USH2A: variants seen among roughly 807,000 people sequenced by gnomAD.
The protein encoded by USH2A is Usher syndrome 2A (autosomal recessive, mild).
A neutral mutation model predicts 538.9 loss-of-function variants in USH2A; 443 were observed. The ratio of observed to expected loss-of-function variants is 0.82; its 90% CI spans 0.76 to 0.89. The LOEUF (loss-of-function observed/expected upper bound fraction) is 0.89. Among genes scored for constraint, USH2A ranks in the 40% least tolerant of loss-of-function variants. The probability of loss-of-function intolerance (pLI) is 0.00; values close to 1 mark genes in which losing one functional copy is unlikely to be tolerated. For synonymous variants in USH2A, 2,413 were observed against 2,273.5 expected (o/e 1.06, Z -1.75); for missense variants, 6,633 against 6,324.8 (o/e 1.05, Z -1.65).
At chr1:216,324,089 C>A in intron 7 of USH2A, 79 bp downstream of exon 7, 1 of 1,492,836 alleles carries the variant, frequency 6.7e-7, no homozygotes, top group South Asian at 1.2e-5. Context: ...AAGTCTCCAC[C>A]AGCCTAGAGA....
Position 215,867,069 on chromosome 1 carries a change from CCTCT to C in USH2A, c.8779_8782del (p.Arg2927GlufsTer16). 6.2e-7 allele frequency: 1 copy of C among 1,614,168 alleles called. No homozygotes were observed. Among genetic ancestry groups the C allele is most frequent in the South Asian group, 1.1e-5 (1 of 91,090 alleles). On this transcript the variant is annotated frameshift_variant, in exon 44 of 72. Coordinates refer to ENST00000307340, the MANE Select transcript of USH2A (RefSeq NM_206933.4). LOFTEE classifies it high-confidence loss of function. ...AAGGACACTCGCAGTGAGATTGGCT[CCTCT>C]CTCTGGAAGACCAGCTAACGTTGTC...
intron 61 of USH2A, among the ~76,000 whole-genome samples, chr1:215,707,596 T>A (rs1228757168): frequency 6.6e-6 from 1 of 152,206 alleles, no homozygotes. Flanking sequence ...ATTGTTTAAA[T>A]TTGACTTTAT....
intron 61 of USH2A, among the ~76,000 whole-genome samples, chr1:215,684,615 C>T (rs1345876574): frequency 1.3e-5 from 2 of 152,148 alleles, no homozygotes; most frequent in Non-Finnish European, 2.9e-5. Flanking sequence ...TGAACCAAAA[C>T]AATGATGTAT....
intron 63 of USH2A, among the ~76,000 whole-genome samples, chr1:215,671,774 C>A (rs1436280355): frequency 6.6e-6 from 1 of 152,100 alleles, no homozygotes; most frequent in Admixed American, 6.6e-5. Flanking sequence ...GTCCTGGACT[C>A]CTACCTTTGC....
At position 215,999,006 on chromosome 1, in the gene USH2A, T is replaced by C. The variant is rs1433870940; in HGVS notation, c.6538A>G (p.Met2180Val). 2 of 1,612,894 alleles carry C rather than the reference T, an allele frequency of 1.2e-6. No homozygotes were observed. Among genetic ancestry groups the C allele is most frequent in the African/African-American group, 2.7e-5 (2 of 74,992 alleles). The change falls in exon 34 of 72, where the codon ATG (methionine) becomes GTG (valine). Residue 2180 changes from methionine (M) to valine (V), a missense_variant. Met to Val is a conservative substitution (Grantham distance 21). Transcript: ENST00000307340. ...SGILERYVLY[M>V]SNHTHDFTIW... The stretch of plus-strand genomic sequence containing the variant: ...GTAAAATCATGTGTATGGTTTGACA[T>C]ATATAATACATAGCGTTCCAGAATC...
At position 215,650,768 on chromosome 1, in the gene USH2A, T is replaced by C. The variant is rs1205111778; in HGVS notation, c.14167A>G (p.Ser4723Gly). 2 of 1,611,680 alleles carry C rather than the reference T, an allele frequency of 1.2e-6. No homozygotes were observed. The highest frequency in any genetic ancestry group is 2.2e-5 in the South Asian group (2 of 91,006). ...WAVNSAGKAP[S>G]SWTWCRTGPA... ...CCGGTTCTGCACCATGTCCAGCTAC[T>C]GGGGGCTTTTCCTGCAGAATTCACT... The change falls in exon 65 of 72, where the codon AGT becomes GGT. Residue 4723 changes from serine to glycine, a missense_variant. Physicochemically the swap from Ser to Gly is moderately conservative, Grantham distance 56 (BLOSUM62 0). Transcript: ENST00000307340.
At chr1:215,818,655 A>G (rs751742153) in intron 47 of USH2A, among the ~76,000 whole-genome samples, 18 of 151,846 alleles carry the variant, frequency 1.2e-4, no homozygotes, top group Non-Finnish European at 1.5e-4. Flanking sequence ...TGATCTATTA[A>G]TATTTCATTT....
chr1:215,937,573 C>T (rs1022941951), intron 37 of USH2A, among the ~76,000 whole-genome samples: 2 of 152,068 alleles, frequency 1.3e-5, no homozygotes, highest in African/African-American at 4.8e-5. Context: ...ATTACATGGT[C>T]AGCATGGGGA....
chr1:216,087,643 G>C (rs938696448), intron 23 of USH2A, among the ~76,000 whole-genome samples: 1 of 152,094 alleles, frequency 6.6e-6, no homozygotes, highest in Non-Finnish European at 1.5e-5. Context: ...ATAAAAACAG[G>C]CATGAGCTAG....
intron 38 of USH2A, among the ~76,000 whole-genome samples, chr1:215,929,421 C>T (rs1666310047): frequency 6.6e-6 from 1 of 151,980 alleles, no homozygotes; most frequent in African/African-American, 2.4e-5. Flanking sequence ...TGCATCACAA[C>T]CACCCCTTAG....
chr1:216,274,968 A>AT (rs371860452), intron 11 of USH2A, among the ~76,000 whole-genome samples: 33 of 152,142 alleles, frequency 2.2e-4, no homozygotes, highest in African/African-American at 7.7e-4. Context: ...GGAAAGGAAT[A>AT]TTTTTTTCTC....
At chr1:215,861,777 C>T (rs911478622) in intron 44 of USH2A, among the ~76,000 whole-genome samples, 1 of 150,320 alleles carries the variant, frequency 6.7e-6, no homozygotes. Flanking sequence ...AGATAAGGGG[C>T]AAGGCTATCA....
intron 16 of USH2A, among the ~76,000 whole-genome samples, chr1:216,203,563 T>C (rs781311315): frequency 2.6e-5 from 4 of 152,138 alleles, no homozygotes; most frequent in Non-Finnish European, 5.9e-5. Context: ...AAGAGCCTTA[T>C]AAAAACAGTT....
At chr1:216,256,024 A>T (rs933485776) in intron 11 of USH2A, among the ~76,000 whole-genome samples, 2 of 152,070 alleles carry the variant, frequency 1.3e-5, no homozygotes, top group African/African-American at 4.8e-5. Flanking sequence ...ATTTCTAAAA[A>T]TTCATGTTTT....
At chr1:216,010,878 CCG>C (rs1571886419) in intron 32 of USH2A, among the ~76,000 whole-genome samples, 1 of 151,738 alleles carries the variant, frequency 6.6e-6, no homozygotes, top group East Asian at 1.9e-4. Flanking sequence ...CTTGTATCCC[CCG>C]ACCTTAACCC....
intron 11 of USH2A, among the ~76,000 whole-genome samples, chr1:216,265,155 A>C (rs2036447330): frequency 6.7e-6 from 1 of 148,966 alleles, no homozygotes; most frequent in African/African-American, 2.6e-5. Flanking sequence ...AAATCAACTC[A>C]ATGGCCCCAA....
chr1:216,210,549 ATGTTACCCTTCCTGT>A (rs1472326598), intron 15 of USH2A, among the ~76,000 whole-genome samples: 6 of 152,166 alleles, frequency 3.9e-5, no homozygotes, highest in African/African-American at 1.4e-4. Context: ...CTTCTTCCCC[ATGTTACCCTTCCTGT>A]AAAATAGTTA....
Position 215,801,359 on chromosome 1 carries a change from C to G in USH2A, c.9740-2234G>C, listed in dbSNP as rs75977098. Among the ~76,000 whole-genome samples the G allele has an allele frequency of 0.014, 1,966 of 144,872 alleles. 90 individuals carry two copies. In the East Asian group the frequency reaches 0.16, roughly 12 times the overall value. On this transcript the variant is annotated intron_variant, in intron 49 of 71. Transcript: ENST00000307340. ...AGAAGCAAAACTATGTGTTCTCAGA[C>G]AACATGATATCATATAGAGAAAACT...
At position 215,816,997 on chromosome 1, in the gene USH2A, C is replaced by G; in HGVS notation, c.9570G>C (p.Lys3190Asn). 1 of 1,612,156 alleles carries G rather than the reference C, an allele frequency of 6.2e-7. No homozygotes were observed. The highest frequency in any genetic ancestry group is 1.1e-5 in the South Asian group (1 of 91,044). The change falls in exon 48 of 72, where the codon AAG (lysine) becomes AAC (asparagine). Residue 3190 changes from lysine to asparagine, a missense_variant and splice_region_variant. By Grantham distance (94) the Lys-to-Asn change is moderately conservative. Coordinates refer to ENST00000307340, the MANE Select transcript of USH2A (RefSeq NM_206933.4). ...CGHICYSSEA[K>N]VCCNGVLYNP... ...CACTGATTAGTTAGAAAAGACTTAC[C>G]TTAGCTTCAGAAGAATAGCAAATGT...
Sources: gnomAD v4.1 joint callset for allele counts (sites outside exome capture counted in the v4.1 genomes callset) on GRCh38, gnomAD v4.1.1 for gene constraint, MANE v1.5 for transcripts, NCBI Gene and HGNC (gene_info 2026-07-23, HGNC 2026-07-21) for gene names.